ENOSF1: variants seen among roughly 807,000 people sequenced by gnomAD.
ENOSF1 encodes the protein mitochondrial enolase superfamily member 1.
In ENOSF1, 73 loss-of-function variants were observed where a neutral mutation model predicts 68.2. That is an observed-to-expected ratio of 1.07 (90% CI 0.89 to 1.30). ENOSF1 has a LOEUF of 1.30. Ranked by LOEUF, ENOSF1 falls within the 50% of genes most tolerant of loss-of-function variation. ENOSF1 has a pLI of 0.00. For missense variants in ENOSF1, 589 were observed against 554.5 expected (o/e 1.06, Z -0.62); for synonymous variants, 223 against 210.4 (o/e 1.06, Z -0.52).
At chr18:697,392 A>C in intron 2 of ENOSF1, 37 bp from the exon 3 acceptor site, 1 of 1,422,556 alleles carries the variant, frequency 7.0e-7, no homozygotes, top group East Asian at 2.3e-5. Context: ...TTATGCTTCT[A>C]TACTAGGTCA....
intron 2 of ENOSF1, among the ~76,000 whole-genome samples, chr18:700,553 C>T (rs973200507): frequency 1.3e-5 from 2 of 152,122 alleles, no homozygotes; most frequent in African/African-American, 4.8e-5. Flanking sequence ...ATTTTTCTTG[C>T]TCAACAGGAG....
intron 14 of ENOSF1, among the ~76,000 whole-genome samples, chr18:676,696 G>A (rs1297953279): frequency 3.9e-5 from 6 of 152,168 alleles, no homozygotes; most frequent in Admixed American, 3.9e-4. Flanking sequence ...TTAAAAGACA[G>A]CACCTGTCTA....
chr18:695,657 G>C (rs926568518), intron 3 of ENOSF1, among the ~76,000 whole-genome samples: 2 of 152,044 alleles, frequency 1.3e-5, no homozygotes, highest in African/African-American at 4.8e-5. Context: ...ATGCTGCCCA[G>C]GCTGGTCTTG....
chr18:706,505 C>T lies in ENOSF1; in HGVS notation c.158G>A (p.Gly53Glu), dbSNP rs1234714159. The change falls in exon 2 of 16, where the codon GGA becomes GAA. Residue 53 changes from glycine to glutamate, a missense_variant. Transcript: ENST00000647584. ...TDAEDGIKGC[G>E]ITFTLGKGTE... ...GCCTTTTCCCAGAGTGAAGGTAATT[C>T]CACACCCCTTGATTCCATCTTCTGC... is the stretch of plus-strand genomic sequence containing the variant. The T allele has an allele frequency of 1.9e-6, 3 of 1,613,710 alleles. No homozygotes were observed. Among genetic ancestry groups the T allele is most frequent in the Non-Finnish European group, 2.5e-6 (3 of 1,179,844 alleles).
intron 10 of ENOSF1, 61 bp from the exon 11 acceptor site, chr18:683,441 G>A (rs11081266): frequency 0.22 from 350,752 of 1,588,134 alleles, 40,800 homozygotes; most frequent in East Asian, 0.39. Flanking sequence ...GCAGGGCTGC[G>A]GCTCCCAGGG....
At chr18:674,813 C>T (rs377580924) in intron 15 of ENOSF1, among the ~76,000 whole-genome samples, 1 of 152,228 alleles carries the variant, frequency 6.6e-6, no homozygotes, top group East Asian at 1.9e-4. Context: ...AGCCACCATG[C>T]CCAGCCCTGA....
At chr18:704,968 A>G (rs903329793) in intron 2 of ENOSF1, among the ~76,000 whole-genome samples, 1 of 152,092 alleles carries the variant, frequency 6.6e-6, no homozygotes, top group Non-Finnish European at 1.5e-5. Context: ...AAGTCTGCAG[A>G]AGGACTGACT....
Position 672,643 on chromosome 18 carries a change from A to G in ENOSF1, c.*1662T>C. On this transcript the variant is annotated 3_prime_UTR_variant, in exon 16 of 16. Transcript: ENST00000647584. Reference sequence around the variant, plus strand: ...AGGCACCAGGCTCCTGATGCTGTGTAATGTCACAAAATACCCCTCACTCTC... The same window carrying G: ...AGGCACCAGGCTCCTGATGCTGTGTGATGTCACAAAATACCCCTCACTCTC... 1 of 400,202 alleles carries G rather than the reference A, an allele frequency of 2.5e-6. No homozygotes were observed. The highest frequency in any genetic ancestry group is 4.5e-6 in the Non-Finnish European group (1 of 224,692). The allele number at this position is 400,202 out of a possible 1,614,324, so 24.8% of individuals were successfully genotyped here. A position where few individuals can be genotyped will look rare whatever the true frequency, so the allele number is the denominator to read the frequency against.
At chr18:697,093 G>A (rs938002732) in intron 3 of ENOSF1, 147 bp downstream of exon 3, 1 of 663,798 alleles carries the variant, frequency 1.5e-6, no homozygotes, top group African/African-American at 1.8e-5. Context: ...CTCCAACGTG[G>A]GTGACAGAGT....
rs934782090 is a variant in ENOSF1, at chr18:681,624, T to C, written c.876+1622A>G. Among the ~76,000 whole-genome samples, 17 of 152,300 alleles carry C rather than the reference T, an allele frequency of 1.1e-4. No homozygotes were observed. In the East Asian group the frequency reaches 3.3e-3, roughly 30 times the overall value. ...GGCTCTGTTTAAATAATGAAGGCTG[T>C]GGTCGCTCCATGGCTCCTGCTCACC... On this transcript the variant is annotated intron_variant, in intron 11 of 15. Coordinates refer to ENST00000647584, the MANE Select transcript of ENOSF1 (RefSeq NM_017512.7).
At chr18:693,331 TC>T in intron 5 of ENOSF1, 1 of 1,210,472 alleles carries the variant, frequency 8.3e-7, no homozygotes, top group Non-Finnish European at 1.1e-6. Context: ...TTTTCTTTTT[TC>T]TTTTTTTGAG....
chr18:680,187 T>C (rs1051918316), intron 11 of ENOSF1, among the ~76,000 whole-genome samples: 2 of 152,198 alleles, frequency 1.3e-5, no homozygotes, highest in South Asian at 2.1e-4. Flanking sequence ...TGGCCCCGCA[T>C]CTCACGGGAT....
At chr18:690,967 A>G in intron 7 of ENOSF1, 101 bp downstream of exon 7, 1 of 1,376,972 alleles carries the variant, frequency 7.3e-7, no homozygotes, top group South Asian at 1.2e-5. Context: ...GCTGCTCAGC[A>G]CAGGGCATTT....
rs1189043122 is a variant in ENOSF1, at chr18:691,013, C to T, written c.535+55G>A. ...TGTGTACCCCAAAAGGACAGGGGCA[C>T]TCAAAAGTGGACAATGTTAGCAAAA... On this transcript the variant is annotated intron_variant, in intron 7 of 15. Transcript: ENST00000647584. 1.2e-5 allele frequency: 19 copies of T among 1,595,414 alleles called. No homozygotes were observed. The Admixed American group carries it at 2.2e-4, about 18-fold the overall frequency.
intron 10 of ENOSF1, among the ~76,000 whole-genome samples, chr18:684,288 T>C (rs1489981011): frequency 6.6e-6 from 1 of 152,022 alleles, no homozygotes; most frequent in Non-Finnish European, 1.5e-5. Flanking sequence ...AGCCACTGCA[T>C]CTGGCCCAGC....
chr18:693,481 A>G (rs1418780216), intron 5 of ENOSF1: 16 of 985,258 alleles, frequency 1.6e-5, no homozygotes, highest in Non-Finnish European at 1.6e-5. Flanking sequence ...GGCCTGGATA[A>G]TATCTTCATA....
rs191727615 is a variant in ENOSF1 at position 671,845 on chromosome 18, T to G, written c.*2460A>C. 9.9e-6 allele frequency: 2 copies of G among 202,764 alleles called. No individual in the cohort carries two copies. Among genetic ancestry groups the G allele is most frequent in the South Asian group, 8.3e-5 (1 of 11,986 alleles). 12.6% of individuals were successfully genotyped at this position (202,764 alleles called of 1,614,324 possible). ...CAGGCTGGAGTGTGCCGTGGTGCGA[T>G]CTCAGCTCACTGCAACCTCCACCTC... On this transcript the variant is annotated 3_prime_UTR_variant, in exon 16 of 16. Coordinates refer to ENST00000647584, the MANE Select transcript of ENOSF1 (RefSeq NM_017512.7).
chr18:672,721 G>T lies in ENOSF1; in HGVS notation c.*1584C>A. On this transcript the variant is annotated 3_prime_UTR_variant, in exon 16 of 16. Transcript: ENST00000647584. ...GCTCCAATCATGTTACATAACCTAC[G>T]GCAAGGTATCGACAGGATCATACTC... is the stretch of plus-strand genomic sequence containing the variant. 2.2e-6 allele frequency: 2 copies of T among 921,212 alleles called. No individual in the cohort carries two copies. Among genetic ancestry groups the T allele is most frequent in the Non-Finnish European group, 3.2e-6 (2 of 632,444 alleles). The allele number at this position is 921,212 out of a possible 1,614,324, so 57.1% of individuals were successfully genotyped here.
At chr18:689,394 C>T (rs1187254686) in intron 8 of ENOSF1, among the ~76,000 whole-genome samples, 2 of 152,140 alleles carry the variant, frequency 1.3e-5, no homozygotes, top group South Asian at 2.1e-4. Flanking sequence ...GATTCTCCTG[C>T]CTCAGCCTCC....
Sources: allele counts gnomAD v4.1 joint callset (sites outside exome capture counted in the v4.1 genomes callset), GRCh38; gene constraint gnomAD v4.1.1; transcripts MANE v1.5; gene names NCBI Gene and HGNC (gene_info 2026-07-23, HGNC 2026-07-21).